FAM227B: variants seen among roughly 807,000 people sequenced by gnomAD.
The protein encoded by FAM227B is protein FAM227B.
FAM227B carries 88 observed loss-of-function variants against 73.8 expected under a neutral mutation model. The ratio of observed to expected loss-of-function variants is 1.19; its 90% CI spans 1.00 to 1.42. FAM227B has a LOEUF of 1.42. FAM227B is among the 40% of genes most tolerant of loss of function. FAM227B has a pLI of 0.00. For synonymous variants in FAM227B, 210 were observed against 190.5 expected (o/e 1.10, Z -0.84); for missense variants, 632 against 590.9 (o/e 1.07, Z -0.72).
At chr15:49,350,730 A>G (rs1567124930) in intron 13 of FAM227B, among the ~76,000 whole-genome samples, 1 of 152,148 alleles carries the variant, frequency 6.6e-6, no homozygotes, top group East Asian at 1.9e-4. Flanking sequence ...TATAATCCCT[A>G]ACACACAGGA....
At chr15:49,443,269 A>G (rs527861372) in intron 11 of FAM227B, among the ~76,000 whole-genome samples, 1 of 151,752 alleles carries the variant, frequency 6.6e-6, no homozygotes, top group Admixed American at 6.6e-5. Context: ...ACTCTTTACT[A>G]CTGAATTTCT....
At chr15:49,470,149 A>C (rs1416354485) in intron 11 of FAM227B, among the ~76,000 whole-genome samples, 1 of 152,172 alleles carries the variant, frequency 6.6e-6, no homozygotes, top group Non-Finnish European at 1.5e-5. Flanking sequence ...AAAATGATGG[A>C]ATTCTAAAAT....
intron 11 of FAM227B, among the ~76,000 whole-genome samples, chr15:49,478,500 C>A (rs1178855933): frequency 1.3e-5 from 2 of 152,042 alleles, no homozygotes; most frequent in African/African-American, 2.4e-5. Context: ...ATTTCCCACT[C>A]AACAATCCAG....
chr15:49,339,287 G>T (rs1185577050), intron 13 of FAM227B, among the ~76,000 whole-genome samples: 1 of 152,174 alleles, frequency 6.6e-6, no homozygotes, highest in Non-Finnish European at 1.5e-5. Context: ...TTTGGCCTTT[G>T]AAGTTGGTGA....
chr15:49,437,585 C>T (rs2051224510), intron 11 of FAM227B, among the ~76,000 whole-genome samples: 1 of 151,564 alleles, frequency 6.6e-6, no homozygotes, highest in Non-Finnish European at 1.5e-5. Flanking sequence ...GAAAACCAGA[C>T]ATGCATTATT....
At chr15:49,586,944 G>C (rs2076204126) in intron 5 of FAM227B, among the ~76,000 whole-genome samples, 1 of 152,064 alleles carries the variant, frequency 6.6e-6, no homozygotes, top group Non-Finnish European at 1.5e-5. Context: ...ATATAAATTA[G>C]TTCAGCCACT....
chr15:49,404,235 T>C (rs932275055), intron 11 of FAM227B, among the ~76,000 whole-genome samples: 2 of 152,164 alleles, frequency 1.3e-5, no homozygotes, highest in African/African-American at 4.8e-5. Context: ...ATGTGTATTC[T>C]CTTGTTTTGG....
chr15:49,476,232 G>GTTTTT lies in FAM227B; in HGVS notation c.1012+31974_1012+31978dup. ...TTGCTGTTTTGTTTTTTTGTTTTTG[G>GTTTTT]TTTTTTTTTTTTTGCATTTGGCATA... On this transcript the variant is annotated intron_variant, in intron 11 of 15. Coordinates refer to ENST00000299338, the MANE Select transcript of FAM227B (RefSeq NM_152647.3). Among the ~76,000 whole-genome samples the GTTTTT allele has an allele frequency of 5.5e-3, 317 of 57,168 alleles. 22 individuals are homozygous for GTTTTT. The highest frequency in any genetic ancestry group is 6.6e-3 in the African/African-American group (96 of 14,602). 37.5% of individuals were successfully genotyped at this position (57,168 alleles called of 152,430 possible).
At chr15:49,582,281 G>T (rs1567629485) in intron 5 of FAM227B, among the ~76,000 whole-genome samples, 1 of 151,888 alleles carries the variant, frequency 6.6e-6, no homozygotes, top group Non-Finnish European at 1.5e-5. Flanking sequence ...TAAAGAAATG[G>T]AAAAAAATTT....
chr15:49,449,157 CTA>C (rs946018101), intron 11 of FAM227B, among the ~76,000 whole-genome samples: 19 of 152,088 alleles, frequency 1.2e-4, no homozygotes, highest in African/African-American at 4.6e-4. Context: ...CACTCTAGCA[CTA>C]TCTCAGACTG....
In FAM227B at chr15:49,335,906, G is replaced by A. The variant is rs188121288; in HGVS notation, c.1272-410C>T. Among the ~76,000 whole-genome samples the A allele has an allele frequency of 1.1e-3, 174 of 152,270 alleles. 2 individuals are homozygous for A. Among genetic ancestry groups the A allele is most frequent in the African/African-American group, 3.9e-3 (164 of 41,556 alleles). ...CTTGCTTTGTCACCCAGGCTGGAGT[G>A]TGGTAACATGATCATAGTTCACTGT... On this transcript the variant is annotated intron_variant, in intron 13 of 15. Coordinates refer to ENST00000299338, the MANE Select transcript of FAM227B (RefSeq NM_152647.3).
At chr15:49,463,544 C>A (rs2053990797) in intron 11 of FAM227B, among the ~76,000 whole-genome samples, 1 of 128,524 alleles carries the variant, frequency 7.8e-6, no homozygotes, top group African/African-American at 3.1e-5. Context: ...CAGTGAGATT[C>A]CGTCTCAAAA....
At chr15:49,552,155 T>C (rs2073108400) in intron 9 of FAM227B, among the ~76,000 whole-genome samples, 1 of 152,220 alleles carries the variant, frequency 6.6e-6, no homozygotes, top group Non-Finnish European at 1.5e-5. Flanking sequence ...CCCTTTAGCA[T>C]TTCTTGTAGG....
intron 11 of FAM227B, among the ~76,000 whole-genome samples, chr15:49,417,518 A>G (rs1221057412): frequency 1.3e-5 from 2 of 152,188 alleles, no homozygotes; most frequent in Non-Finnish European, 2.9e-5. Flanking sequence ...ATAAGGCTGC[A>G]CACCCACAAC....
chr15:49,541,204 AGTTTT>A (rs2071023011), intron 10 of FAM227B, among the ~76,000 whole-genome samples: 1 of 152,060 alleles, frequency 6.6e-6, no homozygotes, highest in African/African-American at 2.4e-5. Context: ...TCTAGGATAG[AGTTTT>A]GCTTTCCTTT....
chr15:49,508,116 C>G (rs527985961), intron 11 of FAM227B, 95 bp downstream of exon 11: 644 of 1,370,000 alleles, frequency 4.7e-4, no homozygotes, highest in Non-Finnish European at 5.5e-4. Context: ...AGGCCCTCAC[C>G]AAAAACATAA....
rs560233363 is a variant in FAM227B, at chr15:49,532,331, A to G, written c.874+9349T>C. Among the ~76,000 whole-genome samples, 480 of 151,952 alleles carry G rather than the reference A, an allele frequency of 3.2e-3. 3 individuals carry two copies. The highest frequency in any genetic ancestry group is 8.4e-3 in the Admixed American group (128 of 15,212). On this transcript the variant is annotated intron_variant, in intron 10 of 15. Coordinates refer to ENST00000299338, the MANE Select transcript of FAM227B (RefSeq NM_152647.3). ...ATGAGATATAAATAAAGGTTTACTCAGGGGAAACTCATAGCCTTGATTCTT... is the reference window on the plus strand; with the variant it reads ...ATGAGATATAAATAAAGGTTTACTCGGGGGAAACTCATAGCCTTGATTCTT...
chr15:49,345,874 T>C (rs1342765236), intron 13 of FAM227B, among the ~76,000 whole-genome samples: 2 of 152,108 alleles, frequency 1.3e-5, no homozygotes, highest in African/African-American at 2.4e-5. Flanking sequence ...CTGAAGCTTC[T>C]AGAAGTGAAG....
intron 11 of FAM227B, among the ~76,000 whole-genome samples, chr15:49,427,415 T>A (rs1044809026): frequency 1.3e-5 from 2 of 152,014 alleles, no homozygotes; most frequent in Non-Finnish European, 2.9e-5. Context: ...GGATTCTGAT[T>A]AAAGATCAGA....
Sources: allele counts gnomAD v4.1 joint callset (sites outside exome capture counted in the v4.1 genomes callset), GRCh38; gene constraint gnomAD v4.1.1; transcripts MANE v1.5; gene names NCBI Gene and HGNC (gene_info 2026-07-23, HGNC 2026-07-21).